ZNF596: variants seen among roughly 807,000 people sequenced by gnomAD.
ZNF596 encodes the protein zinc finger protein 596.
ZNF596 carries 45 observed loss-of-function variants against 48.3 expected under a neutral mutation model. The ratio of observed to expected loss-of-function variants is 0.93; its 90% CI spans 0.73 to 1.19. The LOEUF is 1.19. Among genes scored for constraint, ZNF596 ranks in the 50% most tolerant of loss-of-function variants. ZNF596 has a pLI of 0.00. For missense variants in ZNF596, 848 were observed against 599.7 expected (o/e 1.41, Z -4.32); for synonymous variants, 270 against 202.0 (o/e 1.34, Z -2.85).
intron 1 of ZNF596, 78 bp from the exon 2 acceptor site, chr8:240,746 C>A: frequency 1.1e-6 from 1 of 918,410 alleles, no homozygotes; most frequent in Admixed American, 2.0e-5. Flanking sequence ...TGGACTGGGG[C>A]TAATAGCTTT....
chr8:237,440 A>C (rs896602421), intron 1 of ZNF596: 1 of 152,132 alleles, frequency 6.6e-6, no homozygotes, highest in African/African-American at 2.4e-5. Context: ...ACGTTTCTTG[A>C]AGATCACAGC....
At chr8:247,340 C>G (rs1246415057), downstream of ZNF596, 1 of 152,186 alleles carries the variant, frequency 6.6e-6, no homozygotes, top group Non-Finnish European at 1.5e-5. Context: ...GTCAAAAATA[C>G]AAGCATTAAG....
chr8:240,876 T>C lies in ZNF596; in HGVS notation c.-20T>C. 1.2e-6 allele frequency: 2 copies of C among 1,614,052 alleles called. No homozygotes were observed. The highest frequency in any genetic ancestry group is 8.5e-7 in the Non-Finnish European group (1 of 1,179,972). ...TGAGTGAAAACCCAGAGGAATACATTTGGTGGCTGAGCTAGTACAATGCCA... is the reference window on the plus strand; with the variant it reads ...TGAGTGAAAACCCAGAGGAATACATCTGGTGGCTGAGCTAGTACAATGCCA... On this transcript the variant is annotated 5_prime_UTR_variant, in exon 2 of 6. Transcript: ENST00000398612.
Position 247,287 on chromosome 8 carries a change from G to T in ZNF596, c.*925G>T, listed in dbSNP as rs1378783427. 6.6e-6 allele frequency: 1 copy of T among 152,190 alleles called. No homozygotes were observed. The highest frequency in any genetic ancestry group is 6.5e-5 in the Admixed American group (1 of 15,276). 9.4% of individuals were successfully genotyped at this position (152,190 alleles called of 1,614,324 possible). A position where few individuals can be genotyped will look rare whatever the true frequency, so the allele number is the denominator to read the frequency against. On this transcript the variant is annotated 3_prime_UTR_variant, in exon 6 of 6. Coordinates refer to ENST00000398612, the MANE Select transcript of ZNF596 (RefSeq NM_001042416.3). ...AATTCTGAAATAACCTGGGAATATT[G>T]AATGCAGAATTATGTAAGAAGTAAT...
Position 245,394 on chromosome 8 carries a change from A to G in ZNF596, c.547A>G (p.Arg183Gly). Reference protein sequence around the residue: ...DYAFIQNSALRPHSVTHTREI... With the variant: ...DYAFIQNSALGPHSVTHTREI... Reference sequence around the variant, plus strand: ...TGCCTTTATCCAAAACTCTGCCCTTAGACCACACAGTGTGACTCACACTAG... The same window carrying G: ...TGCCTTTATCCAAAACTCTGCCCTTGGACCACACAGTGTGACTCACACTAG... Residue 183 changes from arginine (R) to glycine (G), a missense_variant, in exon 6 of 6, where the codon AGA becomes GGA. Arg to Gly is a moderately radical substitution (Grantham distance 125). Coordinates refer to ENST00000398612, the MANE Select transcript of ZNF596 (RefSeq NM_001042416.3). 3.1e-6 allele frequency: 5 copies of G among 1,614,206 alleles called. No homozygotes were observed. Among genetic ancestry groups the G allele is most frequent in the Non-Finnish European group, 4.2e-6 (5 of 1,180,018 alleles).
intron 1 of ZNF596, among the ~76,000 whole-genome samples, chr8:236,169 G>C (rs1796605802): frequency 6.6e-6 from 1 of 152,092 alleles, no homozygotes; most frequent in East Asian, 1.9e-4. Context: ...TCAAATCGTA[G>C]TCATAATATT....
intron 1 of ZNF596, among the ~76,000 whole-genome samples, chr8:238,393 G>A (rs73521318): frequency 6.6e-6 from 1 of 152,058 alleles, no homozygotes; most frequent in Admixed American, 6.5e-5. Context: ...ACAGGGCATC[G>A]TATAGCAACT....
At chr8:233,448 C>G (rs1015488743) in intron 1 of ZNF596, 2 of 277,954 alleles carry the variant, frequency 7.2e-6, no homozygotes, top group African/African-American at 4.6e-5. Context: ...ATGCTTTTTA[C>G]ATTAATTCAG....
chr8:241,059 CAA>C, intron 2 of ZNF596, 152 bp downstream of exon 2: 1 of 953,286 alleles, frequency 1.0e-6, no homozygotes, highest in African/African-American at 1.6e-5. Flanking sequence ...TACATTGGCT[CAA>C]AGAGTCATCA....
chr8:239,540 C>T (rs1219860517), intron 1 of ZNF596, among the ~76,000 whole-genome samples: 1 of 152,132 alleles, frequency 6.6e-6, no homozygotes, highest in Non-Finnish European at 1.5e-5. Flanking sequence ...TAGCAGCTCA[C>T]AGAACCCAGG....
intron 3 of ZNF596, 121 bp downstream of exon 3, chr8:243,134 T>C (rs536656493): frequency 1.2e-6 from 1 of 859,950 alleles, no homozygotes; most frequent in African/African-American, 1.7e-5. Context: ...TCACTTCAAC[T>C]TCTGCTTTGA....
At chr8:240,660 A>G (rs760638659) in intron 1 of ZNF596, 164 bp from the exon 2 acceptor site, 65 of 550,034 alleles carry the variant, frequency 1.2e-4, no homozygotes, top group Middle Eastern at 4.8e-4. Flanking sequence ...TAGCAGCAAT[A>G]GTCATTTCTT....
In ZNF596 at chr8:245,255, G is replaced by T. The variant is rs202032351; in HGVS notation, c.408G>T (p.Thr136=). 1 of 1,614,006 alleles carries T rather than the reference G, an allele frequency of 6.2e-7. No individual in the cohort carries two copies. Among genetic ancestry groups the T allele is most frequent in the African/African-American group, 1.3e-5 (1 of 75,042 alleles). ...LTQNVITYMR[T]KHFVSKKFGK... ...AAAATGTGATTACCTACATGAGAAC[G>T]AAACACTTTGTAAGCAAAAAGTTTG... The change falls in exon 6 of 6, where the codon ACG becomes ACT. Residue 136 remains threonine (T), a synonymous_variant. Transcript: ENST00000398612.
At position 247,125 on chromosome 8, in the gene ZNF596, G is replaced by C. The variant is rs954594913; in HGVS notation, c.*763G>C. On this transcript the variant is annotated 3_prime_UTR_variant, in exon 6 of 6. Coordinates refer to ENST00000398612, the MANE Select transcript of ZNF596 (RefSeq NM_001042416.3). Reference sequence around the variant, plus strand: ...CTTTTATGTCAAAAAAGTGAGACAGGGATGAAAACTCTAAAAAGCCATTGA... The same window carrying C: ...CTTTTATGTCAAAAAAGTGAGACAGCGATGAAAACTCTAAAAAGCCATTGA... 1 of 152,038 alleles carries C rather than the reference G, an allele frequency of 6.6e-6. No homozygotes were observed. The highest frequency in any genetic ancestry group is 2.4e-5 in the African/African-American group (1 of 41,396). 9.4% of individuals were successfully genotyped at this position (152,038 alleles called of 1,614,324 possible).
chr8:238,628 C>CAAAAAAAAAAAAAAAAAAAAAAAAA, intron 1 of ZNF596, among the ~76,000 whole-genome samples: 1 of 39,882 alleles, frequency 2.5e-5, no homozygotes, highest in African/African-American at 6.0e-5. Context: ...TGGTGAAATA[C>CAAAAAAAAAAAAAAAAAAAAAAAAA]AAAAAAAAAA....
intron 1 of ZNF596, 196 bp from the exon 2 acceptor site, chr8:240,628 A>G (rs1241752386): frequency 1.1e-5 from 5 of 459,412 alleles, no homozygotes; most frequent in Non-Finnish European, 1.9e-5. Flanking sequence ...TAGGTCTAAA[A>G]TAAAAATATT....
Position 245,190 on chromosome 8 carries a change from G to C in ZNF596, c.343G>C (p.Asp115His), listed in dbSNP as rs747920570. The C allele has an allele frequency of 6.2e-7, 1 of 1,606,938 alleles. No homozygotes were observed. Among genetic ancestry groups the C allele is most frequent in the East Asian group, 2.2e-5 (1 of 44,758 alleles). ...TCAAGAGGATCCTTTTCTATGCAAT[G>C]ACTTAGGAGAAGATTTCACTCAACA... ...HTQEDPFLCN[D>H]LGEDFTQHIA... Residue 115 changes from aspartate to histidine, a missense_variant, in exon 6 of 6, where the codon GAC becomes CAC. By Grantham distance (81) the Asp-to-His change is moderately conservative (BLOSUM62 -1). Coordinates refer to ENST00000398612, the MANE Select transcript of ZNF596 (RefSeq NM_001042416.3).
At position 245,447 on chromosome 8, in the gene ZNF596, T is replaced by C. The variant is rs545694820; in HGVS notation, c.600T>C (p.Cys200=). ...AGATAACATTGGAATGTCGTGTGTGTGGGAAAACCTTTAGCAAAAATTCTA... is the reference window on the plus strand; with the variant it reads ...AGATAACATTGGAATGTCGTGTGTGCGGGAAAACCTTTAGCAAAAATTCTA... The part of the protein sequence containing the change: ...TREITLECRV[C]GKTFSKNSNL... Residue 200 remains cysteine (C), a synonymous_variant, in exon 6 of 6, where the codon TGT becomes TGC. Transcript: ENST00000398612. 8.1e-6 allele frequency: 13 copies of C among 1,614,072 alleles called. No individual in the cohort carries two copies. The highest frequency in any genetic ancestry group is 1.1e-5 in the Non-Finnish European group (13 of 1,180,040).
At position 242,867 on chromosome 8, in the gene ZNF596, G is replaced by C. The variant is rs1796909530; in HGVS notation, c.13-20G>C. 1.3e-6 allele frequency: 2 copies of C among 1,507,006 alleles called. No homozygotes were observed. The highest frequency in any genetic ancestry group is 1.9e-5 in the Admixed American group (1 of 51,926). The allele number at this position is 1,507,006 out of a possible 1,614,324, so 93.4% of individuals were successfully genotyped here. A position where few individuals can be genotyped will look rare whatever the true frequency, so the allele number is the denominator to read the frequency against. ...GGCAGAGATAGCCCTGTTTGCAGTA[G>C]AATGTCCATAATGTTTTAGGATTCC... On this transcript the variant is annotated intron_variant, in intron 2 of 5. Transcript: ENST00000398612.
Sources: gnomAD v4.1 joint callset for allele counts (sites outside exome capture counted in the v4.1 genomes callset) on GRCh38, gnomAD v4.1.1 for gene constraint, MANE v1.5 for transcripts, NCBI Gene and HGNC (gene_info 2026-07-23, HGNC 2026-07-21) for gene names.